Variants in NPHP4 observed in about 807,000 individuals in gnomAD.
The protein encoded by NPHP4 is nephrocystin-4.
NPHP4 carries 151 observed loss-of-function variants against 155.8 expected under a neutral mutation model. The observed-to-expected ratio is 0.97, with a 90% CI of 0.85 to 1.11. The LOEUF (loss-of-function observed/expected upper bound fraction) is 1.11, where lower values mean the gene tolerates loss of function less well. Among genes scored for constraint, NPHP4 ranks in the 50% least tolerant of loss-of-function variants. The pLI is 0.00. For missense variants in NPHP4, 1,956 were observed against 1,925.7 expected, an observed-to-expected ratio of 1.02 and a Z score of -0.29; for synonymous variants, 845 against 816.8, an observed-to-expected ratio of 1.03 and a Z score of -0.59.
At chr1:5,955,747 G>C (rs1649073334) in intron 6 of NPHP4, among the ~76,000 whole-genome samples, 1 of 152,228 alleles carries the variant, frequency 6.6e-6, no homozygotes, top group South Asian at 2.1e-4. Flanking sequence ...AGACTGAGGA[G>C]GGGAGGGAGA....
At chr1:5,893,563 G>A (rs1644249497) in intron 16 of NPHP4, among the ~76,000 whole-genome samples, 1 of 152,250 alleles carries the variant, frequency 6.6e-6, no homozygotes, top group Non-Finnish European at 1.5e-5. Flanking sequence ...CTAGAAGGCA[G>A]AGCCAGGTGG....
Position 5,905,422 on chromosome 1 carries a change from T to C in NPHP4, c.1825A>G (p.Ile609Val), listed in dbSNP as rs991659889. The C allele has an allele frequency of 1.2e-6, 2 of 1,612,470 alleles. No homozygotes were observed. Among genetic ancestry groups the C allele is most frequent in the East Asian group, 2.2e-5 (1 of 44,824 alleles). The stretch of plus-strand genomic sequence containing the variant: ...GCTGGCTGTTTATTGGCATCCAGAA[T>C]CTCGGGAAAGCCGGAGGACTGCAGG... ...VLLQSSGFPE[I>V]LDANKQPAEA... The change falls in exon 15 of 30, where the codon ATT becomes GTT. Residue 609 changes from isoleucine (I) to valine (V), a missense_variant. By Grantham distance (29) the Ile-to-Val change is conservative. Transcript: ENST00000378156. The surrounding 1 kb of genome is among the most constrained non-coding windows in gnomAD (Gnocchi z 4.0).
chr1:5,954,906 C>T (rs1648886793), intron 6 of NPHP4, among the ~76,000 whole-genome samples: 1 of 150,798 alleles, frequency 6.6e-6, no homozygotes, highest in Admixed American at 6.6e-5. Flanking sequence ...AGGTCTTACA[C>T]AATAAAGTAA....
At chr1:5,868,071 G>C (rs1353199346) in intron 23 of NPHP4, 175 bp from the exon 24 acceptor site, 1 of 765,718 alleles carries the variant, frequency 1.3e-6, no homozygotes, top group Non-Finnish European at 2.3e-6. Flanking sequence ...GCAGCAGCAG[G>C]TCTCCACCAG....
At chr1:5,898,756 T>C (rs1319234227) in intron 16 of NPHP4, among the ~76,000 whole-genome samples, 1 of 152,218 alleles carries the variant, frequency 6.6e-6, no homozygotes, top group Non-Finnish European at 1.5e-5. Context: ...TTGGTGGGTA[T>C]GGGGCCAGTG....
intron 10 of NPHP4, 44 bp from the exon 11 acceptor site, chr1:5,927,831 G>A: frequency 6.4e-7 from 1 of 1,569,568 alleles, no homozygotes; most frequent in Non-Finnish European, 8.7e-7. Flanking sequence ...CCCTTCATCA[G>A]CACGCCTATC....
Position 5,892,288 on chromosome 1 carries a change from G to C in NPHP4, c.2144-1260C>G, listed in dbSNP as rs943687901. Among the ~76,000 whole-genome samples, 8 of 152,156 alleles carry C rather than the reference G, an allele frequency of 5.3e-5. No individual in the cohort carries two copies. Among genetic ancestry groups the C allele is most frequent in the Non-Finnish European group, 1.2e-4 (8 of 68,028 alleles). ...TCCCACTGGGGCTTGTCGGACAGTGGGTGAGAGTTGGGAGGCTGGTCAGAG... is the reference window on the plus strand; with the variant it reads ...TCCCACTGGGGCTTGTCGGACAGTGCGTGAGAGTTGGGAGGCTGGTCAGAG... On this transcript the variant is annotated intron_variant, in intron 16 of 29. Transcript: ENST00000378156. The surrounding 1 kb of genome is among the most constrained non-coding windows in gnomAD (Gnocchi z 4.5).
In NPHP4 at chr1:5,944,465, C is replaced by T. The variant is rs1022911025; in HGVS notation, c.1119+2639G>A. Among the ~76,000 whole-genome samples, 10 of 152,238 alleles carry T rather than the reference C, an allele frequency of 6.6e-5. 1 individual carries two copies. The highest frequency in any genetic ancestry group is 5.9e-4 in the Admixed American group (9 of 15,286). ...CGTCACAGACGGCCCCGCCATTGTG[C>T]CTTTCTCCTCTCACGTCCCGCTCAA... On this transcript the variant is annotated intron_variant, in intron 9 of 29. Coordinates refer to ENST00000378156, the MANE Select transcript of NPHP4 (RefSeq NM_015102.5). The surrounding 1 kb of genome is among the most constrained non-coding windows in gnomAD (Gnocchi z 4.3).
intron 6 of NPHP4, 109 bp downstream of exon 6, chr1:5,961,685 G>A (rs1465375932): frequency 6.9e-6 from 7 of 1,011,386 alleles, no homozygotes; most frequent in African/African-American, 6.4e-5. Flanking sequence ...GAGCTGCAGA[G>A]GGGCGCTCGG....
At chr1:5,968,527 G>A (rs1411805507) in intron 4 of NPHP4, among the ~76,000 whole-genome samples, 1 of 151,968 alleles carries the variant, frequency 6.6e-6, no homozygotes, top group Non-Finnish European at 1.5e-5. Flanking sequence ...GCTTGAGGCT[G>A]GAGGCGGAGG....
intron 27 of NPHP4, 155 bp from the exon 28 acceptor site, chr1:5,864,672 CTG>C: frequency 3.2e-6 from 2 of 624,690 alleles, no homozygotes; most frequent in Non-Finnish European, 5.5e-6. Context: ...CCTGACATGA[CTG>C]TGGCCGCGAC....
At chr1:5,933,608 G>A (rs1404345961) in intron 9 of NPHP4, among the ~76,000 whole-genome samples, 1 of 152,136 alleles carries the variant, frequency 6.6e-6, no homozygotes, top group African/African-American at 2.4e-5. Flanking sequence ...CCAAGGTAGT[G>A]ATGGCTTCCC....
Position 5,875,334 on chromosome 1 carries a change from G to GT in NPHP4, c.2818-235dup, listed in dbSNP as rs544208468. On this transcript the variant is annotated intron_variant, in intron 20 of 29. Transcript: ENST00000378156. The stretch of plus-strand genomic sequence containing the variant: ...TGCTGGCTGTGTCCCTGACACGGAG[G>GT]TCCACACAGCATCCCTGCCTATTCC... Among the ~76,000 whole-genome samples, 53,117 of 151,894 alleles carry GT rather than the reference G, an allele frequency of 0.35. 10,471 individuals carry two copies. Among genetic ancestry groups the GT allele is most frequent in the African/African-American group, 0.54 (22,235 of 41,382 alleles).
Position 5,914,257 on chromosome 1 carries a change from CAAAAAAAAAAAAAAAA to C in NPHP4, c.1442-5060_1442-5045del, listed in dbSNP as rs575438284. On this transcript the variant is annotated intron_variant, in intron 11 of 29. Transcript: ENST00000378156. The stretch of plus-strand genomic sequence containing the variant: ...GCAACATGGCAAAATCTTATCTATA[CAAAAAAAAAAAAAAAA>C]AAAAAAAAAAAAAGGCCTGGTGTGG... Among the ~76,000 whole-genome samples, 26 of 47,400 alleles carry C rather than the reference CAAAAAAAAAAAAAAAA, an allele frequency of 5.5e-4. No individual in the cohort carries two copies. In the East Asian group the frequency reaches 6.3e-3, roughly 12 times the overall value. 31.1% of individuals were successfully genotyped at this position (47,400 alleles called of 152,430 possible).
At position 5,948,145 on chromosome 1, in the gene NPHP4, A is replaced by G. The variant is rs766268754; in HGVS notation, c.917T>C (p.Leu306Pro). The change falls in exon 8 of 30, where the codon CTG becomes CCG. Residue 306 changes from leucine to proline, a missense_variant. Leu to Pro is a moderately conservative substitution (Grantham distance 98). Transcript: ENST00000378156. ...GFVQRPQVVV[L>P]VPEMDVALTR... ...CAAGGCCACATCCATCTCAGGCACC[A>G]GTACAACGACCTGCGGCCTCTGCAC... is the stretch of plus-strand genomic sequence containing the variant. 5.0e-6 allele frequency: 8 copies of G among 1,613,688 alleles called. No homozygotes were observed. The highest frequency in any genetic ancestry group is 3.3e-4 in the Middle Eastern group (2 of 6,084).
Position 5,872,725 on chromosome 1 carries a change from A to T in NPHP4, c.3315+527T>A, listed in dbSNP as rs190441674. 1.9e-3 allele frequency among the ~76,000 whole-genome samples: 284 copies of T among 152,324 alleles called. 3 individuals carry two copies. Among genetic ancestry groups the T allele is most frequent in the African/African-American group, 6.7e-3 (279 of 41,566 alleles). On this transcript the variant is annotated intron_variant, in intron 23 of 29. Transcript: ENST00000378156. ...TGTTTTTCACTTCCCAACTACTACAAAAGGCATGTTTCTACCGAATAAAAA... is the reference window on the plus strand; with the variant it reads ...TGTTTTTCACTTCCCAACTACTACATAAGGCATGTTTCTACCGAATAAAAA...
chr1:5,937,535 G>A (rs1235306303), intron 9 of NPHP4, among the ~76,000 whole-genome samples: 1 of 152,232 alleles, frequency 6.6e-6, no homozygotes, highest in Non-Finnish European at 1.5e-5. Flanking sequence ...CCAGCCTCTG[G>A]CCCTGGGCCC....
intron 18 of NPHP4, among the ~76,000 whole-genome samples, chr1:5,883,638 C>T (rs990254287): frequency 6.6e-5 from 10 of 152,188 alleles, no homozygotes; most frequent in Admixed American, 3.9e-4. Flanking sequence ...ATCCTCCACC[C>T]GGCACCTCCC....
intron 6 of NPHP4, among the ~76,000 whole-genome samples, chr1:5,954,759 A>G (rs1043973292): frequency 2.0e-5 from 3 of 152,254 alleles, no homozygotes; most frequent in Admixed American, 6.5e-5. Flanking sequence ...AGAAAACGGA[A>G]GAAGTGCTTC....
Sources: allele counts gnomAD v4.1 joint callset (sites outside exome capture counted in the v4.1 genomes callset), GRCh38; gene constraint gnomAD v4.1.1; non-coding constraint Gnocchi (gnomAD v3.1); transcripts MANE v1.5; gene names NCBI Gene and HGNC (gene_info 2026-07-23, HGNC 2026-07-21).